Variants in SLC38A6 observed in about 807,000 individuals in gnomAD.
SLC38A6 encodes solute carrier family 38 member 6, also known as N system amino acid transporter NAT-1.
A neutral mutation model predicts 65.0 loss-of-function variants in SLC38A6; 73 were observed. That is an observed-to-expected ratio of 1.12 (90% confidence interval 0.93 to 1.37). SLC38A6 has a LOEUF of 1.37. SLC38A6 is among the 40% of genes most tolerant of loss of function. The pLI is 0.00. For synonymous variants in SLC38A6, 183 were observed against 178.8 expected (o/e 1.02, Z -0.19); for missense variants, 561 against 531.1 (o/e 1.06, Z -0.55).
At chr14:61,068,945 G>T (rs1270153915) in intron 15 of SLC38A6, among the ~76,000 whole-genome samples, 1 of 152,026 alleles carries the variant, frequency 6.6e-6, no homozygotes, top group African/African-American at 2.4e-5. Flanking sequence ...TCCTAGATTT[G>T]CTTTTATGCT....
At chr14:61,067,902 C>T (rs1178046851) in intron 15 of SLC38A6, among the ~76,000 whole-genome samples, 1 of 152,118 alleles carries the variant, frequency 6.6e-6, no homozygotes, top group Non-Finnish European at 1.5e-5. Context: ...ATCATACTTA[C>T]ATTTTTTCAT....
chr14:60,985,563 A>G (rs1287732556), intron 3 of SLC38A6, among the ~76,000 whole-genome samples: 2 of 152,312 alleles, frequency 1.3e-5, no homozygotes, highest in Middle Eastern at 3.4e-3. Flanking sequence ...TGCCAAAATC[A>G]TGGGTTTAAT....
At chr14:61,044,601 A>G (rs1020757755) in intron 10 of SLC38A6, among the ~76,000 whole-genome samples, 1 of 152,170 alleles carries the variant, frequency 6.6e-6, no homozygotes, top group Admixed American at 6.5e-5. Flanking sequence ...GCCTGAAGTT[A>G]GTTAAGTGGA....
intron 8 of SLC38A6, among the ~76,000 whole-genome samples, chr14:61,041,260 C>T (rs1291700471): frequency 1.3e-5 from 2 of 152,140 alleles, no homozygotes; most frequent in African/African-American, 4.8e-5. Flanking sequence ...GTTTCACTCC[C>T]GTTCTGTACT....
exon 16 of SLC38A6, chr14:61,078,881 C>A: frequency 5.1e-6 from 1 of 195,166 alleles, no homozygotes; most frequent in Admixed American, 5.7e-5. Context: ...GCCTCCCGGA[C>A]TCAAGCAATC....
intron 3 of SLC38A6, among the ~76,000 whole-genome samples, chr14:61,010,994 A>C (rs7149382): frequency 6.6e-6 from 1 of 152,096 alleles, no homozygotes; most frequent in Non-Finnish European, 1.5e-5. Flanking sequence ...TTTTCACGAC[A>C]TTGATTCTTC....
intron 3 of SLC38A6, among the ~76,000 whole-genome samples, chr14:60,995,652 G>T (rs889932482): frequency 5.3e-5 from 8 of 151,988 alleles, no homozygotes; most frequent in Non-Finnish European, 1.2e-4. Context: ...AAGGGAGGGA[G>T]GAAAGAAAAG....
intron 4 of SLC38A6, among the ~76,000 whole-genome samples, chr14:61,017,438 T>C (rs1255858348): frequency 6.6e-6 from 1 of 152,200 alleles, no homozygotes; most frequent in East Asian, 1.9e-4. Context: ...CAAAACAGAA[T>C]ATGTTACTTG....
At chr14:61,074,536 C>G (rs1466787208) in intron 15 of SLC38A6, among the ~76,000 whole-genome samples, 1 of 152,108 alleles carries the variant, frequency 6.6e-6, no homozygotes, top group Non-Finnish European at 1.5e-5. Flanking sequence ...TTATGAGGGT[C>G]TCACCCTCAT....
chr14:61,083,082 T>G (rs78333167), intron 16 of SLC38A6, among the ~76,000 whole-genome samples: 2,143 of 152,310 alleles, frequency 0.014, 52 homozygotes, highest in African/African-American at 0.049. Flanking sequence ...AGCTTGGCCC[T>G]CTACCATTTC....
chr14:61,019,347 A>G (rs2139574289), intron 4 of SLC38A6, among the ~76,000 whole-genome samples, 194 bp from the exon 5 acceptor site: 1 of 152,304 alleles, frequency 6.6e-6, no homozygotes, highest in African/African-American at 2.4e-5. Flanking sequence ...TAACTTTGGA[A>G]CTATTAAAGA....
intron 3 of SLC38A6, among the ~76,000 whole-genome samples, chr14:61,014,458 C>T (rs987325958): frequency 3.9e-5 from 6 of 152,204 alleles, no homozygotes; most frequent in Non-Finnish European, 7.3e-5. Context: ...AACAGAGGTG[C>T]TCTGATTTTT....
intron 3 of SLC38A6, among the ~76,000 whole-genome samples, chr14:61,014,450 C>G (rs115400175): frequency 6.6e-6 from 1 of 152,288 alleles, no homozygotes; most frequent in Admixed American, 6.5e-5. Context: ...TTTGGAGGAA[C>G]AGAGGTGCTC....
At chr14:61,011,965 C>T (rs1228638053) in intron 3 of SLC38A6, among the ~76,000 whole-genome samples, 6 of 152,160 alleles carry the variant, frequency 3.9e-5, no homozygotes, top group South Asian at 2.1e-4. Context: ...ATGGTACCAG[C>T]TCCTCCTTGT....
At position 61,015,828 on chromosome 14, in the gene SLC38A6, G is replaced by T; in HGVS notation, c.311-76G>T. ...ATTATACTGTATTTAGTTTGTAGTA[G>T]GACCTGCTCTTCTCTTTAGGACCTG... On this transcript the variant is annotated intron_variant, in intron 3 of 15. Coordinates refer to ENST00000267488, the MANE Select transcript of SLC38A6 (RefSeq NM_153811.3). The T allele has an allele frequency of 3.5e-6, 4 of 1,134,436 alleles. No individual in the cohort carries two copies. The Admixed American group carries it at 9.3e-5, about 26-fold the overall frequency. 70.3% of individuals were successfully genotyped at this position (1,134,436 alleles called of 1,614,324 possible).
chr14:61,034,361 GTTTTA>G (rs2041203488), intron 6 of SLC38A6: 1 of 151,638 alleles, frequency 6.6e-6, no homozygotes, highest in Non-Finnish European at 1.5e-5. Flanking sequence ...ATAATTTTTT[GTTTTA>G]TTTTATTACG....
intron 8 of SLC38A6, among the ~76,000 whole-genome samples, chr14:61,039,117 G>T (rs559474393): frequency 1.3e-5 from 2 of 152,086 alleles, no homozygotes; most frequent in African/African-American, 4.8e-5. Context: ...CTTAAAGCAG[G>T]TTAAATGTAT....
At chr14:61,051,026 T>C (rs2042477783) in intron 13 of SLC38A6, among the ~76,000 whole-genome samples, 1 of 152,186 alleles carries the variant, frequency 6.6e-6, no homozygotes, top group Non-Finnish European at 1.5e-5. Flanking sequence ...TGTAAATTTA[T>C]TTTCACATAA....
At chr14:60,984,011 T>A (rs1394332362) in intron 2 of SLC38A6, among the ~76,000 whole-genome samples, 1 of 152,204 alleles carries the variant, frequency 6.6e-6, no homozygotes, top group Non-Finnish European at 1.5e-5. Context: ...GAAAATTTCT[T>A]CAATGACTGG....
Sources: gnomAD v4.1 joint callset for allele counts (sites outside exome capture counted in the v4.1 genomes callset) on GRCh38, gnomAD v4.1.1 for gene constraint, MANE v1.5 for transcripts, NCBI Gene and HGNC (gene_info 2026-07-23, HGNC 2026-07-21) for gene names.